PTPRT: variants seen among roughly 807,000 people sequenced by gnomAD.
PTPRT encodes receptor-type tyrosine-protein phosphatase T.
A neutral mutation model predicts 176.8 loss-of-function variants in PTPRT; 56 were observed. The ratio of observed to expected loss-of-function variants is 0.32; its 90% CI spans 0.26 to 0.40. The LOEUF (loss-of-function observed/expected upper bound fraction) is 0.40. Ranked by LOEUF, PTPRT falls within the 10% of genes least tolerant of loss-of-function variation. The pLI, the probability that PTPRT is intolerant of heterozygous loss-of-function variation, is 1.00. For synonymous variants in PTPRT, 783 were observed against 739.0 expected, an observed-to-expected ratio of 1.06 and a Z score of -0.96; for missense variants, 1,540 against 1,908.2, an observed-to-expected ratio of 0.81 and a Z score of 3.60.
chr20:42,927,286 G>A (rs1017077590), intron 1 of PTPRT, among the ~76,000 whole-genome samples: 1 of 152,226 alleles, frequency 6.6e-6, no homozygotes, highest in Non-Finnish European at 1.5e-5. Flanking sequence ...GGGGGGCTGG[G>A]TGTGGTGGTG....
intron 1 of PTPRT, among the ~76,000 whole-genome samples, chr20:42,983,277 A>G (rs959865952): frequency 6.6e-6 from 1 of 152,236 alleles, no homozygotes; most frequent in Non-Finnish European, 1.5e-5. Flanking sequence ...AAAATGCCCT[A>G]CAACTCCAAG....
intron 7 of PTPRT, among the ~76,000 whole-genome samples, chr20:42,672,544 A>G (rs1775616844): frequency 6.6e-6 from 1 of 152,202 alleles, no homozygotes; most frequent in African/African-American, 2.4e-5. Context: ...TCTAAACTGA[A>G]GCATGGGAGT....
chr20:42,194,442 A>T (rs945181866), intron 16 of PTPRT, among the ~76,000 whole-genome samples: 3 of 152,228 alleles, frequency 2.0e-5, no homozygotes, highest in Admixed American at 2.0e-4. Context: ...TAGGCAAGTT[A>T]ATCTGTCAAA....
chr20:43,050,370 T>G (rs1418519752), intron 1 of PTPRT, among the ~76,000 whole-genome samples: 1 of 152,184 alleles, frequency 6.6e-6, no homozygotes. Flanking sequence ...GAGAGGGCAC[T>G]GCAAGGACAA....
intron 18 of PTPRT, among the ~76,000 whole-genome samples, chr20:42,133,579 C>A (rs1289406141): frequency 6.6e-6 from 1 of 152,110 alleles, no homozygotes; most frequent in East Asian, 1.9e-4. Flanking sequence ...ATGTTTAAGG[C>A]CGTGAAACTA....
intron 1 of PTPRT, among the ~76,000 whole-genome samples, chr20:43,008,838 G>A (rs913011352): frequency 1.3e-5 from 2 of 152,146 alleles, no homozygotes; most frequent in Non-Finnish European, 2.9e-5. Flanking sequence ...AAAGTCTAAT[G>A]ACTCTCTTGA....
chr20:43,137,787 T>TAC (rs898284258), intron 1 of PTPRT, among the ~76,000 whole-genome samples: 1 of 151,590 alleles, frequency 6.6e-6, no homozygotes, highest in African/African-American at 2.4e-5. Flanking sequence ...CACACGCGCG[T>TAC]ACACACACAC....
rs892712711 is a variant in PTPRT at position 42,270,248 on chromosome 20, A to C, written c.2176+12241T>G. 2.0e-5 allele frequency: 13 copies of C among 664,576 alleles called. No homozygotes were observed. In the African/African-American group the frequency reaches 2.9e-4, roughly 15 times the overall value. 41.2% of individuals were successfully genotyped at this position (664,576 alleles called of 1,614,324 possible). A position where few individuals can be genotyped will look rare whatever the true frequency, so the allele number is the denominator to read the frequency against. The stretch of plus-strand genomic sequence containing the variant: ...GATGGAGGGATGGGTGGATGAATGA[A>C]TGTGTGGGTTGATGGGTGAATGGGT... On this transcript the variant is annotated intron_variant, in intron 13 of 30. Transcript: ENST00000373187.
intron 1 of PTPRT, among the ~76,000 whole-genome samples, chr20:43,161,998 T>C (rs908577254): frequency 6.6e-6 from 1 of 152,240 alleles, no homozygotes; most frequent in Non-Finnish European, 1.5e-5. Context: ...ACTCGATAGA[T>C]TATTATTGCA....
chr20:42,722,242 C>G (rs2076315361), intron 6 of PTPRT, among the ~76,000 whole-genome samples: 1 of 152,154 alleles, frequency 6.6e-6, no homozygotes, highest in East Asian at 1.9e-4. Flanking sequence ...GCATTTCAAA[C>G]TCCAAGGTGA....
chr20:42,780,817 T>C (rs1297213017), intron 3 of PTPRT, among the ~76,000 whole-genome samples: 2 of 152,208 alleles, frequency 1.3e-5, no homozygotes, highest in African/African-American at 4.8e-5. Context: ...AATCTACCTG[T>C]TGGTATCCAG....
chr20:42,789,512 C>T (rs1013520246), intron 3 of PTPRT, among the ~76,000 whole-genome samples: 1 of 152,132 alleles, frequency 6.6e-6, no homozygotes, highest in African/African-American at 2.4e-5. Context: ...GTACGTAGTA[C>T]CTGCCTCAAA....
chr20:42,933,869 A>G (rs1980017546), intron 1 of PTPRT, among the ~76,000 whole-genome samples: 1 of 152,230 alleles, frequency 6.6e-6, no homozygotes, highest in Non-Finnish European at 1.5e-5. Flanking sequence ...CAACCCGACA[A>G]GATGATTTTT....
intron 1 of PTPRT, among the ~76,000 whole-genome samples, chr20:42,962,024 T>C (rs991485845): frequency 6.6e-6 from 1 of 152,210 alleles, no homozygotes; most frequent in Non-Finnish European, 1.5e-5. Flanking sequence ...AGGAATGCAG[T>C]CCTGCTGTCA....
intron 7 of PTPRT, among the ~76,000 whole-genome samples, chr20:42,553,614 T>G (rs1488889239): frequency 6.6e-6 from 1 of 152,142 alleles, no homozygotes; most frequent in African/African-American, 2.4e-5. Context: ...CACATACTTT[T>G]ACTTGACCTC....
At chr20:42,713,432 C>T (rs889633246) in intron 6 of PTPRT, among the ~76,000 whole-genome samples, 2 of 152,140 alleles carry the variant, frequency 1.3e-5, no homozygotes, top group African/African-American at 4.8e-5. Flanking sequence ...TCCTGGAGCC[C>T]ACTACCCAAA....
At chr20:42,133,139 A>G (rs1485112463) in intron 18 of PTPRT, among the ~76,000 whole-genome samples, 1 of 152,242 alleles carries the variant, frequency 6.6e-6, no homozygotes, top group African/African-American at 2.4e-5. Context: ...TATAAAATGT[A>G]CTTTGTATTA....
chr20:42,136,391 C>T (rs1407332834), intron 18 of PTPRT, among the ~76,000 whole-genome samples: 1 of 152,050 alleles, frequency 6.6e-6, no homozygotes, highest in Admixed American at 6.5e-5. Flanking sequence ...CTGAGACTGC[C>T]TGGGTACCTC....
chr20:42,358,368 C>T (rs1340153595), intron 9 of PTPRT, among the ~76,000 whole-genome samples: 4 of 152,134 alleles, frequency 2.6e-5, no homozygotes, highest in Admixed American at 2.0e-4. Context: ...TGACTAGGTG[C>T]TTGGCCATGT....
Sources: allele counts gnomAD v4.1 joint callset (sites outside exome capture counted in the v4.1 genomes callset), GRCh38; gene constraint gnomAD v4.1.1; transcripts MANE v1.5; gene names NCBI Gene and HGNC (gene_info 2026-07-23, HGNC 2026-07-21).